SMAD2: variants seen among roughly 807,000 people sequenced by gnomAD.
SMAD2 encodes MAD homolog 2.
SMAD2 carries 8 observed loss-of-function variants against 64.4 expected under a neutral mutation model. The observed-to-expected ratio is 0.12, with a 90% confidence interval of 0.07 to 0.22. The LOEUF is 0.22. Ranked by LOEUF, SMAD2 falls within the 10% of genes least tolerant of loss-of-function variation. SMAD2 has a pLI of 1.00. For synonymous variants in SMAD2, 203 were observed against 195.8 expected (o/e 1.04, Z -0.31); for missense variants, 289 against 561.2 (o/e 0.51, Z 4.90).
At chr18:47,891,889 C>A (rs1034407783) in intron 2 of SMAD2, among the ~76,000 whole-genome samples, 2 of 151,972 alleles carry the variant, frequency 1.3e-5, no homozygotes, top group Non-Finnish European at 1.5e-5. Context: ...AAGTGATATA[C>A]TTTTATATAT....
At chr18:47,902,640 T>C (rs145570031) in intron 1 of SMAD2, among the ~76,000 whole-genome samples, 22 of 152,310 alleles carry the variant, frequency 1.4e-4, no homozygotes, top group East Asian at 3.9e-4. Flanking sequence ...AAGTATTCCA[T>C]AGAAGGAATT....
rs761938157 is a variant in SMAD2, at chr18:47,857,224, GAAT to G, written c.731-5900_731-5898del. Among the ~76,000 whole-genome samples, 10 of 152,174 alleles carry G rather than the reference GAAT, an allele frequency of 6.6e-5. 1 individual carries two copies. Among genetic ancestry groups the G allele is most frequent in the South Asian group, 2.1e-4 (1 of 4,828 alleles). Reference sequence around the variant, plus strand: ...CACTGTTTAACTTTTATCTGACACAGAATAATGGTAGAAATAAGAGATTAAGCT... The same window carrying G: ...CACTGTTTAACTTTTATCTGACACAGAATGGTAGAAATAAGAGATTAAGCT... On this transcript the variant is annotated intron_variant, in intron 6 of 10. Coordinates refer to ENST00000262160, the MANE Select transcript of SMAD2 (RefSeq NM_005901.6).
rs1215701631 is a variant in SMAD2 at position 47,837,852 on chromosome 18, C to G, written c.*3975G>C. 2 of 232,642 alleles carry G rather than the reference C, an allele frequency of 8.6e-6. No individual in the cohort carries two copies. The highest frequency in any genetic ancestry group is 1.7e-5 in the Non-Finnish European group (2 of 117,684). 14.4% of individuals were successfully genotyped at this position (232,642 alleles called of 1,614,324 possible). On this transcript the variant is annotated 3_prime_UTR_variant, in exon 11 of 11. Coordinates refer to ENST00000262160, the MANE Select transcript of SMAD2 (RefSeq NM_005901.6). ...GAGGGAAGGCGCAAATTGGAATGTT[C>G]AGCTTTTAAAGTAAAGACTGTACAT...
chr18:47,913,722 A>C (rs1345204295), intron 1 of SMAD2, among the ~76,000 whole-genome samples: 2 of 152,244 alleles, frequency 1.3e-5, no homozygotes, highest in African/African-American at 4.8e-5. Flanking sequence ...ACAAAAAAGA[A>C]AACTAGATTT....
At chr18:47,928,424 A>T (rs1353670533) in intron 1 of SMAD2, among the ~76,000 whole-genome samples, 1 of 152,274 alleles carries the variant, frequency 6.6e-6, no homozygotes, top group African/African-American at 2.4e-5. Context: ...ACATGATTCT[A>T]ATATTTACAA....
chr18:47,900,440 T>A (rs1598862599), intron 1 of SMAD2, among the ~76,000 whole-genome samples: 1 of 152,276 alleles, frequency 6.6e-6, no homozygotes, highest in East Asian at 1.9e-4. Context: ...GGCTGTAGGA[T>A]CCGTAGTGAT....
rs1267342706 is a variant in SMAD2, at chr18:47,813,225, A to G, written c.*28602T>C. The stretch of plus-strand genomic sequence containing the variant: ...AACTTGGTCTCAAAAATAACTAAAT[A>G]ACTAAATAAAATAAACTGGGTCCTT... On this transcript the variant is annotated 3_prime_UTR_variant, in exon 11 of 11. Transcript: ENST00000262160. The G allele has an allele frequency of 6.6e-6, 1 of 152,084 alleles. No individual in the cohort carries two copies. The highest frequency in any genetic ancestry group is 1.5e-5 in the Non-Finnish European group (1 of 68,030). 9.4% of individuals were successfully genotyped at this position (152,084 alleles called of 1,614,324 possible). A position where few individuals can be genotyped will look rare whatever the true frequency, so the allele number is the denominator to read the frequency against.
chr18:47,927,111 C>T (rs558241123), intron 1 of SMAD2, among the ~76,000 whole-genome samples: 2 of 152,318 alleles, frequency 1.3e-5, no homozygotes, highest in African/African-American at 4.8e-5. Flanking sequence ...AGTTATTCAA[C>T]TCTGCTTTCT....
intron 6 of SMAD2, among the ~76,000 whole-genome samples, chr18:47,856,320 T>G (rs980072944): frequency 6.6e-6 from 1 of 152,174 alleles, no homozygotes; most frequent in Non-Finnish European, 1.5e-5. Flanking sequence ...ACTGGAAATT[T>G]AGTAAGTCAA....
Position 47,841,781 on chromosome 18 carries a change from A to G in SMAD2, c.*46T>C. On this transcript the variant is annotated 3_prime_UTR_variant, in exon 11 of 11. Transcript: ENST00000262160. ...GGACCACACACAATGCTATGACAGA[A>G]GAGTTGTTACATTAAGTCTTTTCAT... 1 of 1,612,104 alleles carries G rather than the reference A, an allele frequency of 6.2e-7. No individual in the cohort carries two copies. The highest frequency in any genetic ancestry group is 8.5e-7 in the Non-Finnish European group (1 of 1,178,310).
chr18:47,907,542 G>A (rs1390424111), intron 1 of SMAD2, among the ~76,000 whole-genome samples: 3 of 152,164 alleles, frequency 2.0e-5, no homozygotes, highest in Admixed American at 1.3e-4. Context: ...ACCTTTCTAC[G>A]GTGACAAAAG....
chr18:47,824,186 G>C lies in SMAD2; in HGVS notation c.*17641C>G, dbSNP rs995668884. 6.6e-6 allele frequency: 1 copy of C among 152,236 alleles called. No individual in the cohort carries two copies. The highest frequency in any genetic ancestry group is 2.4e-5 in the African/African-American group (1 of 41,458). The allele number at this position is 152,236 out of a possible 1,614,324, so 9.4% of individuals were successfully genotyped here. ...TTTCGGAAAAACATCTTCATCAAGA[G>C]AGGGAAAGGTGAAAGCTGTCAGAAT... On this transcript the variant is annotated 3_prime_UTR_variant, in exon 11 of 11. Coordinates refer to ENST00000262160, the MANE Select transcript of SMAD2 (RefSeq NM_005901.6).
chr18:47,860,777 CTA>C (rs2031114048), intron 6 of SMAD2, among the ~76,000 whole-genome samples: 1 of 152,072 alleles, frequency 6.6e-6, no homozygotes. Context: ...ATCCATGAAA[CTA>C]TATGATCCTC....
At position 47,816,927 on chromosome 18, in the gene SMAD2, A is replaced by C. The variant is rs943454641; in HGVS notation, c.*24900T>G. 1.3e-5 allele frequency: 2 copies of C among 151,594 alleles called. No individual in the cohort carries two copies. Among genetic ancestry groups the C allele is most frequent in the Non-Finnish European group, 1.5e-5 (1 of 67,940 alleles). The allele number at this position is 151,594 out of a possible 1,614,324, so 9.4% of individuals were successfully genotyped here. A position where few individuals can be genotyped will look rare whatever the true frequency, so the allele number is the denominator to read the frequency against. On this transcript the variant is annotated 3_prime_UTR_variant, in exon 11 of 11. Coordinates refer to ENST00000262160, the MANE Select transcript of SMAD2 (RefSeq NM_005901.6). ...TAGGCACCCACCAATACACCCATCT[A>C]ATTTTTTGTATTTTTAGTAGAGAGG...
intron 7 of SMAD2, among the ~76,000 whole-genome samples, chr18:47,848,987 A>G (rs543932140): frequency 6.6e-6 from 1 of 152,310 alleles, no homozygotes; most frequent in East Asian, 1.9e-4. Context: ...GCTCCTGTTC[A>G]AATACAAAAC....
At chr18:47,910,817 G>A (rs2034097098) in intron 1 of SMAD2, among the ~76,000 whole-genome samples, 1 of 152,036 alleles carries the variant, frequency 6.6e-6, no homozygotes, top group Admixed American at 6.6e-5. Context: ...TTTATGTATT[G>A]GTAAGGCTTC....
At chr18:47,855,956 G>GAC (rs1264271623) in intron 6 of SMAD2, among the ~76,000 whole-genome samples, 1 of 152,110 alleles carries the variant, frequency 6.6e-6, no homozygotes, top group Non-Finnish European at 1.5e-5. Context: ...AGATACAGAA[G>GAC]ACAACCCAAG....
chr18:47,912,055 C>T (rs771870832), intron 1 of SMAD2, among the ~76,000 whole-genome samples: 9 of 152,164 alleles, frequency 5.9e-5, no homozygotes, highest in Admixed American at 1.3e-4. Context: ...AAAGGTGACA[C>T]TAAAGTTGAC....
rs186495629 is a variant in SMAD2 at position 47,870,166 on chromosome 18, A to T, written c.326+309T>A. The stretch of plus-strand genomic sequence containing the variant: ...CAAAACTCATCATGTATCTACTTAA[A>T]AATTAGGCCAACAACAGATTATAAT... On this transcript the variant is annotated intron_variant, in intron 3 of 10. Transcript: ENST00000262160. Among the ~76,000 whole-genome samples the T allele has an allele frequency of 6.4e-4, 98 of 152,284 alleles. 2 individuals are homozygous for T. The highest frequency in any genetic ancestry group is 1.3e-3 in the Non-Finnish European group (88 of 68,012).
Sources: allele counts gnomAD v4.1 joint callset (sites outside exome capture counted in the v4.1 genomes callset), GRCh38; gene constraint gnomAD v4.1.1; transcripts MANE v1.5; gene names NCBI Gene and HGNC (gene_info 2026-07-23, HGNC 2026-07-21).